The following MTMR8 variants were observed in gnomAD, a reference collection of about 807,000 sequenced individuals.
The protein encoded by MTMR8 is phosphatidylinositol-3,5-bisphosphate 3-phosphatase MTMR8.
MTMR8 carries 65 observed loss-of-function variants against 39.3 expected under a neutral mutation model. That is an observed-to-expected ratio of 1.65 (90% CI 1.35 to 2.03). MTMR8 has a LOEUF of 2.03. Ranked by LOEUF, MTMR8 falls within the 30% of genes most tolerant of loss-of-function variation. The pLI, the probability that MTMR8 is intolerant of heterozygous loss-of-function variation, is 0.00. For missense variants in MTMR8, 777 were observed against 538.9 expected (o/e 1.44, Z -4.37); for synonymous variants, 245 against 185.2 (o/e 1.32, Z -2.62).
chrX:64,311,128 G>A (rs1922284279), intron 12 of MTMR8, among the ~76,000 whole-genome samples: 1 of 111,813 alleles, frequency 8.9e-6, no homozygotes, highest in African/African-American at 3.3e-5. Flanking sequence ...CAGTGTAAAA[G>A]CATTCCTATT....
At chrX:64,392,110 G>A (rs186854560) in intron 1 of MTMR8, among the ~76,000 whole-genome samples, 1 of 111,676 alleles carries the variant, frequency 9.0e-6, no homozygotes, top group Non-Finnish European at 1.9e-5. Context: ...AATGGTTGTT[G>A]AACCCTAAGC....
Position 64,348,722 on chromosome X carries a change from C to G in MTMR8, c.670G>C (p.Glu224Gln). 3 of 1,210,365 alleles carry G rather than the reference C, an allele frequency of 2.5e-6. No homozygotes were observed. Among genetic ancestry groups the G allele is most frequent in the Non-Finnish European group, 3.4e-6 (3 of 894,702 alleles). The change falls in exon 6 of 14, where the codon GAG becomes CAG. Residue 224 changes from glutamate (E) to glutamine (Q), a missense_variant. By Grantham distance (29) the Glu-to-Gln change is conservative. Transcript: ENST00000374852. ...TRCVDDELLL[E>Q]AISQTNPGSQ... ...CCTGGGTTTGTTTGGCTAATGGCCT[C>G]CAACAAGAGCTCATCATCTACACAG...
At chrX:64,316,229 C>T (rs1020999183) in intron 12 of MTMR8, among the ~76,000 whole-genome samples, 5 of 112,109 alleles carry the variant, frequency 4.5e-5, no homozygotes, top group Admixed American at 9.5e-5. Flanking sequence ...TTCCAAGATT[C>T]CTTCTTTTAT....
chrX:64,300,098 G>A (rs1353838895), intron 12 of MTMR8, among the ~76,000 whole-genome samples: 3 of 101,389 alleles, frequency 3.0e-5, no homozygotes, highest in Non-Finnish European at 6.0e-5. Flanking sequence ...TATTAGGTCT[G>A]CTTGGTGCAG....
At chrX:64,310,100 A>G (rs1470732905) in intron 12 of MTMR8, among the ~76,000 whole-genome samples, 1 of 111,901 alleles carries the variant, frequency 8.9e-6, no homozygotes, top group East Asian at 2.8e-4. Context: ...CATTTTACCC[A>G]CAGCAGAACT....
chrX:64,270,906 G>A (rs917723439), intron 13 of MTMR8, 41 bp downstream of exon 13: 2 of 1,192,927 alleles, frequency 1.7e-6, no homozygotes, highest in Non-Finnish European at 2.3e-6. Context: ...GACCTACCCA[G>A]AAGGGGCAAG....
At chrX:64,350,419 A>G (rs1923459197) in intron 4 of MTMR8, among the ~76,000 whole-genome samples, 1 of 111,524 alleles carries the variant, frequency 9.0e-6, no homozygotes, top group African/African-American at 3.3e-5. Context: ...AGGAATTTCA[A>G]CATGGGGTTT....
intron 12 of MTMR8, among the ~76,000 whole-genome samples, chrX:64,316,637 G>A (rs1922473204): frequency 9.0e-6 from 1 of 111,415 alleles, no homozygotes; most frequent in South Asian, 3.8e-4. Context: ...GACAGAGCAA[G>A]GCCCAGTCTC....
In MTMR8 at chrX:64,331,759, T is replaced by A. The variant is rs372263405; in HGVS notation, c.1152-2A>T. On this transcript the variant is annotated splice_acceptor_variant, in intron 10 of 13. Coordinates refer to ENST00000374852, the MANE Select transcript of MTMR8 (RefSeq NM_017677.4). LOFTEE classifies it high-confidence loss of function. ...GAGTCCCCATCGAGGTGGCCACACC[T>A]GAGAGATGAAAATAAAGGTAAAGAA... is the stretch of plus-strand genomic sequence containing the variant. 2 of 1,195,172 alleles carry A rather than the reference T, an allele frequency of 1.7e-6. No individual in the cohort carries two copies. Among genetic ancestry groups the A allele is most frequent in the Non-Finnish European group, 2.3e-6 (2 of 883,273 alleles).
chrX:64,386,731 T>A (rs1289024112), intron 1 of MTMR8, among the ~76,000 whole-genome samples: 2 of 111,512 alleles, frequency 1.8e-5, no homozygotes, highest in Non-Finnish European at 3.8e-5. Context: ...TGAAAGCATG[T>A]CATCATTTCA....
At chrX:64,282,693 C>T (rs1235125148) in intron 12 of MTMR8, among the ~76,000 whole-genome samples, 1 of 110,649 alleles carries the variant, frequency 9.0e-6, no homozygotes, top group African/African-American at 3.3e-5. Flanking sequence ...AGATATAAGA[C>T]CAAAAGAATA....
At chrX:64,311,634 C>T (rs1405292881) in intron 12 of MTMR8, among the ~76,000 whole-genome samples, 1 of 111,617 alleles carries the variant, frequency 9.0e-6, no homozygotes, top group African/African-American at 3.3e-5. Flanking sequence ...TTAGTTCTAA[C>T]ATTTAAGTCT....
At chrX:64,278,059 CTG>C (rs1255385799) in intron 12 of MTMR8, among the ~76,000 whole-genome samples, 2 of 108,855 alleles carry the variant, frequency 1.8e-5, no homozygotes, top group African/African-American at 6.7e-5. Flanking sequence ...AGTTCTCGTG[CTG>C]TGTTTTTCAG....
intron 12 of MTMR8, among the ~76,000 whole-genome samples, chrX:64,276,886 A>C (rs944540379): frequency 8.1e-5 from 9 of 111,497 alleles, no homozygotes; most frequent in Admixed American, 4.8e-4. Context: ...TGGGAGTCTA[A>C]GTCTCTTTGT....
intron 1 of MTMR8, among the ~76,000 whole-genome samples, chrX:64,378,391 T>C (rs1924325672): frequency 9.0e-6 from 1 of 111,450 alleles, no homozygotes; most frequent in Non-Finnish European, 1.9e-5. Flanking sequence ...AACATAATTT[T>C]TTAACTTTTT....
At chrX:64,309,673 C>A (rs1321559970) in intron 12 of MTMR8, among the ~76,000 whole-genome samples, 4 of 111,306 alleles carry the variant, frequency 3.6e-5, no homozygotes, top group Non-Finnish European at 7.5e-5. Context: ...ACTGTCAAAC[C>A]TTGGAGATAA....
chrX:64,348,568 C>T, intron 6 of MTMR8, 92 bp downstream of exon 6: 1 of 1,078,553 alleles, frequency 9.3e-7, no homozygotes, highest in South Asian at 2.1e-5. Flanking sequence ...ATACACAAAC[C>T]TAACTTTCCC....
At chrX:64,366,767 C>T (rs771096453) in intron 1 of MTMR8, among the ~76,000 whole-genome samples, 15 of 110,308 alleles carry the variant, frequency 1.4e-4, no homozygotes, top group South Asian at 7.6e-4. Flanking sequence ...AGAGCAGAAC[C>T]GAAGGAGATA....
At chrX:64,374,254 G>A (rs1175949359) in intron 1 of MTMR8, among the ~76,000 whole-genome samples, 1 of 111,795 alleles carries the variant, frequency 8.9e-6, no homozygotes, top group Non-Finnish European at 1.9e-5. Context: ...AGAGGTCCAA[G>A]TTTCAGAAAG....
Sources: allele counts gnomAD v4.1 joint callset (sites outside exome capture counted in the v4.1 genomes callset), GRCh38; gene constraint gnomAD v4.1.1; transcripts MANE v1.5; gene names NCBI Gene and HGNC (gene_info 2026-07-23, HGNC 2026-07-21).